Variants in RORA observed in about 807,000 individuals in gnomAD.
RORA encodes the protein nuclear receptor ROR-alpha.
Under a neutral mutation model 69.5 loss-of-function variants are expected in RORA, and 7 were observed. That is an observed-to-expected ratio of 0.10 (90% CI 0.06 to 0.19). The LOEUF (loss-of-function observed/expected upper bound fraction) is 0.19. RORA is among the 10% of genes least tolerant of loss of function. The pLI, the probability that RORA is intolerant of heterozygous loss-of-function variation, is 1.00. For missense variants in RORA, 457 were observed against 663.0 expected (o/e 0.69, Z 3.41); for synonymous variants, 261 against 240.8 (o/e 1.08, Z -0.78).
At chr15:60,875,308 T>C (rs2073601213) in intron 1 of RORA, among the ~76,000 whole-genome samples, 1 of 152,242 alleles carries the variant, frequency 6.6e-6, no homozygotes, top group Non-Finnish European at 1.5e-5. Context: ...GACACAGCTT[T>C]GTCTGCAAAT....
At chr15:61,185,898 A>G (rs2079736672) in intron 1 of RORA, among the ~76,000 whole-genome samples, 1 of 152,094 alleles carries the variant, frequency 6.6e-6, no homozygotes, top group African/African-American at 2.4e-5. Context: ...CATTGCTGCC[A>G]TTATTTTTCC....
chr15:61,094,838 T>C (rs935737649), intron 1 of RORA, among the ~76,000 whole-genome samples: 5 of 152,158 alleles, frequency 3.3e-5, no homozygotes, highest in African/African-American at 1.2e-4. Flanking sequence ...AACAGATACA[T>C]GGGCATATGC....
chr15:60,492,875 TA>T lies in RORA; in HGVS notation c.*4579del, dbSNP rs1401705188. The T allele has an allele frequency of 2.0e-5, 3 of 152,150 alleles. No homozygotes were observed. Among genetic ancestry groups the T allele is most frequent in the African/African-American group, 7.2e-5 (3 of 41,434 alleles). 9.4% of individuals were successfully genotyped at this position (152,150 alleles called of 1,614,324 possible). ...AAGAGTTTACACACACGCAGTTCTA[TA>T]TAGTTCACTTGTGCCTTGGAGGGAT... On this transcript the variant is annotated 3_prime_UTR_variant, in exon 11 of 11. Transcript: ENST00000335670.
At chr15:61,116,367 T>C (rs2079051008) in intron 1 of RORA, among the ~76,000 whole-genome samples, 1 of 152,194 alleles carries the variant, frequency 6.6e-6, no homozygotes, top group Admixed American at 6.5e-5. Context: ...TGGCTATGTA[T>C]ACCACTGGCC....
intron 1 of RORA, among the ~76,000 whole-genome samples, chr15:61,002,855 G>A (rs1165694099): frequency 6.6e-6 from 1 of 152,036 alleles, no homozygotes; most frequent in African/African-American, 2.4e-5. Context: ...CATAGGGCCG[G>A]GCATGGTGGC....
intron 1 of RORA, among the ~76,000 whole-genome samples, chr15:60,793,130 A>C (rs1446555377): frequency 6.6e-6 from 1 of 152,078 alleles, no homozygotes; most frequent in Non-Finnish European, 1.5e-5. Flanking sequence ...TAGTTTCTTC[A>C]TTTATAACAA....
intron 2 of RORA, among the ~76,000 whole-genome samples, chr15:60,542,403 A>G (rs1261986930): frequency 6.6e-6 from 1 of 151,648 alleles, no homozygotes; most frequent in African/African-American, 2.4e-5. Context: ...CTACACACAT[A>G]TACCATGCTC....
chr15:60,692,574 G>T (rs970464633), intron 1 of RORA, among the ~76,000 whole-genome samples: 2 of 152,226 alleles, frequency 1.3e-5, no homozygotes, highest in Admixed American at 6.5e-5. Context: ...AAGATGAAAT[G>T]ATATGATGTC....
At chr15:61,176,198 C>T (rs2079627854) in intron 1 of RORA, 2 of 152,214 alleles carry the variant, frequency 1.3e-5, no homozygotes, top group African/African-American at 4.8e-5. Flanking sequence ...ACACCACAGT[C>T]AAGAGGTTGC....
chr15:60,611,385 A>G (rs1182778236), intron 2 of RORA, among the ~76,000 whole-genome samples: 1 of 151,956 alleles, frequency 6.6e-6, no homozygotes, highest in Non-Finnish European at 1.5e-5. Flanking sequence ...AGAATGAAAA[A>G]GGGATTCGAT....
At chr15:60,627,112 A>T in intron 2 of RORA, 1 of 839,164 alleles carries the variant, frequency 1.2e-6, no homozygotes, top group Non-Finnish European at 1.9e-6. Flanking sequence ...CATGGGCTTC[A>T]TCTTTTCCTT....
intron 1 of RORA, among the ~76,000 whole-genome samples, chr15:60,703,614 G>T (rs1259486760): frequency 1.3e-5 from 2 of 152,156 alleles, no homozygotes; most frequent in Non-Finnish European, 2.9e-5. Flanking sequence ...GAGCTAGGAG[G>T]CTTAATCTTC....
intron 1 of RORA, among the ~76,000 whole-genome samples, chr15:61,219,498 C>T (rs1030494507): frequency 1.3e-5 from 2 of 152,092 alleles, no homozygotes; most frequent in Non-Finnish European, 2.9e-5. Context: ...TGGCGTGAAC[C>T]CAGGAGGCGG....
intron 1 of RORA, among the ~76,000 whole-genome samples, chr15:61,076,019 C>G (rs708680): frequency 0.47 from 71,350 of 152,002 alleles, 17,341 homozygotes; most frequent in African/African-American, 0.59. Context: ...TTCACTTCCT[C>G]AAAGCTTAGT....
rs780774008 is a variant in RORA at position 60,643,184 on chromosome 15, T to C, written c.196+35473A>G. On this transcript the variant is annotated intron_variant, in intron 2 of 10. Coordinates refer to ENST00000335670, the MANE Select transcript of RORA (RefSeq NM_134261.3). ...CAAAACAAATACATACATACATACA[T>C]GCACACATTAAGTTAAATTAAAAAG... Among the ~76,000 whole-genome samples, 67 of 152,156 alleles carry C rather than the reference T, an allele frequency of 4.4e-4. 1 individual carries two copies. Among genetic ancestry groups the C allele is most frequent in the Non-Finnish European group, 1.0e-4 (7 of 68,022 alleles).
chr15:61,219,848 A>G (rs984367674), intron 1 of RORA, among the ~76,000 whole-genome samples: 3 of 152,222 alleles, frequency 2.0e-5, no homozygotes, highest in African/African-American at 7.2e-5. Flanking sequence ...AGTGAGTATC[A>G]CATATTTAAC....
intron 1 of RORA, among the ~76,000 whole-genome samples, chr15:60,732,274 G>C (rs2071439308): frequency 6.6e-6 from 1 of 152,200 alleles, no homozygotes; most frequent in Non-Finnish European, 1.5e-5. Flanking sequence ...GAATCTAACA[G>C]GAAGAGGATG....
In RORA at chr15:60,928,665, AAG is replaced by A; in HGVS notation, c.167-249981_167-249980del. On this transcript the variant is annotated intron_variant, in intron 1 of 10. Transcript: ENST00000335670. ...AATTCGACTCCCTCATTTCACAAGG[AAG>A]GCATCTGAAGCTCAGAGAGACAAAG... is the stretch of plus-strand genomic sequence containing the variant. 2.6e-5 allele frequency among the ~76,000 whole-genome samples: 4 copies of A among 152,350 alleles called. No individual in the cohort carries two copies. The Middle Eastern group carries it at 0.01, about 389-fold the overall frequency.
At chr15:60,916,958 T>A (rs1453485302) in intron 1 of RORA, among the ~76,000 whole-genome samples, 1 of 152,200 alleles carries the variant, frequency 6.6e-6, no homozygotes, top group Non-Finnish European at 1.5e-5. Context: ...AGTTCTACAC[T>A]GTTAGTGTTG....
Sources: gnomAD v4.1 joint callset for allele counts (sites outside exome capture counted in the v4.1 genomes callset) on GRCh38, gnomAD v4.1.1 for gene constraint, MANE v1.5 for transcripts, NCBI Gene and HGNC (gene_info 2026-07-23, HGNC 2026-07-21) for gene names.